The following EXOC4 variants were observed in gnomAD, a reference collection of about 807,000 sequenced individuals.
The protein encoded by EXOC4 is exocyst complex component 4.
Under a neutral mutation model 107.2 loss-of-function variants are expected in EXOC4, and 71 were observed. The observed-to-expected ratio is 0.66, with a 90% CI of 0.55 to 0.81. The LOEUF (loss-of-function observed/expected upper bound fraction) is 0.81. Ranked by LOEUF, EXOC4 falls within the 30% of genes least tolerant of loss-of-function variation. The pLI is 0.00. For synonymous variants in EXOC4, 456 were observed against 441.2 expected (o/e 1.03, Z -0.42); for missense variants, 1,108 against 1,189.6 (o/e 0.93, Z 1.01).
Position 133,917,649 on chromosome 7 carries a change from C to T in EXOC4, c.1938C>T (p.Ser646=), listed in dbSNP as rs373196825. 1 of 1,613,942 alleles carries T rather than the reference C, an allele frequency of 6.2e-7. No individual in the cohort carries two copies. The highest frequency in any genetic ancestry group is 1.3e-5 in the African/African-American group (1 of 74,914). The change falls in exon 13 of 18, where the codon AGC becomes AGT. Residue 646 remains serine, a synonymous_variant. Coordinates refer to ENST00000253861, the MANE Select transcript of EXOC4 (RefSeq NM_021807.4). The stretch of plus-strand genomic sequence containing the variant: ...CCTGGGCAAAAGATGATGATATCAG[C>T]AGACTCTTGAAATCTCTACCAAACT... ...SASWAKDDDI[S]RLLKSLPNWM...
Position 133,938,084 on chromosome 7 carries a change from G to A in EXOC4, c.2206+15G>A, listed in dbSNP as rs749904825. ...TACATCCCAGAGTAAGTATCTAGTA[G>A]GAAGCTGTTGTGGGGACAGTTGAGG... is the stretch of plus-strand genomic sequence containing the variant. On this transcript the variant is annotated intron_variant, in intron 14 of 17. Coordinates refer to ENST00000253861, the MANE Select transcript of EXOC4 (RefSeq NM_021807.4). 1.9e-6 allele frequency: 3 copies of A among 1,613,714 alleles called. No individual in the cohort carries two copies. The Admixed American group carries it at 5.0e-5, about 27-fold the overall frequency.
At chr7:133,823,845 A>T (rs1368854061) in intron 11 of EXOC4, among the ~76,000 whole-genome samples, 211 of 1,556 alleles carry the variant, frequency 0.14, 4 homozygotes, top group Admixed American at 0.33. Context: ...TATATATATT[A>T]TATATATATA....
intron 10 of EXOC4, among the ~76,000 whole-genome samples, chr7:133,739,262 G>GTGTA (rs58288318): frequency 6.7e-6 from 1 of 148,580 alleles, no homozygotes; most frequent in Non-Finnish European, 1.5e-5. Flanking sequence ...GTGTGTGTGT[G>GTGTA]TATAAAAAGA....
rs1292312761 is a variant in EXOC4 at position 133,727,132 on chromosome 7, T to G, written c.1515-90193T>G. Among the ~76,000 whole-genome samples the G allele has an allele frequency of 2.0e-5, 3 of 152,234 alleles. No homozygotes were observed. In the East Asian group the frequency reaches 5.8e-4, roughly 29 times the overall value. ...TATTTTTAATAGATTGTCAATCTGT[T>G]TTTGTTATTGATCTAAGCACTATAC... On this transcript the variant is annotated intron_variant, in intron 10 of 17. Transcript: ENST00000253861.
At chr7:133,994,337 A>G (rs552369997) in intron 14 of EXOC4, among the ~76,000 whole-genome samples, 46 of 152,184 alleles carry the variant, frequency 3.0e-4, no homozygotes, top group African/African-American at 8.9e-4. Context: ...GCATATATGC[A>G]CCATGCCTAT....
intron 7 of EXOC4, among the ~76,000 whole-genome samples, chr7:133,383,035 A>G (rs1273805179): frequency 6.6e-6 from 1 of 152,132 alleles, no homozygotes; most frequent in Non-Finnish European, 1.5e-5. Flanking sequence ...TCTTTTTGAA[A>G]CTGTGATAAT....
At chr7:133,676,137 A>G (rs1794052596) in intron 10 of EXOC4, among the ~76,000 whole-genome samples, 1 of 152,010 alleles carries the variant, frequency 6.6e-6, no homozygotes, top group African/African-American at 2.4e-5. Flanking sequence ...CATTCAAAAA[A>G]TATTTATTGA....
intron 2 of EXOC4, among the ~76,000 whole-genome samples, chr7:133,278,539 C>G (rs895985771): frequency 6.6e-6 from 1 of 151,964 alleles, no homozygotes; most frequent in Non-Finnish European, 1.5e-5. Context: ...AAGAGCATTC[C>G]AGGAAGAAAG....
At chr7:133,487,577 T>TA (rs1174683724) in intron 9 of EXOC4, among the ~76,000 whole-genome samples, 5 of 151,954 alleles carry the variant, frequency 3.3e-5, no homozygotes, top group African/African-American at 4.8e-5. Context: ...GGTGTGGTGG[T>TA]ATGTACCTGT....
chr7:133,589,392 T>C (rs1167890032), intron 9 of EXOC4, among the ~76,000 whole-genome samples: 1 of 152,226 alleles, frequency 6.6e-6, no homozygotes, highest in African/African-American at 2.4e-5. Flanking sequence ...CTGTCCATTT[T>C]TGCTTTTACT....
intron 7 of EXOC4, among the ~76,000 whole-genome samples, chr7:133,432,566 A>T (rs1797879926): frequency 6.6e-6 from 1 of 152,140 alleles, no homozygotes; most frequent in Non-Finnish European, 1.5e-5. Flanking sequence ...TCTTGTTTCC[A>T]GTAGGATTTA....
At chr7:133,577,784 A>G (rs1468904106) in intron 9 of EXOC4, among the ~76,000 whole-genome samples, 3 of 152,216 alleles carry the variant, frequency 2.0e-5, no homozygotes, top group Admixed American at 1.3e-4. Context: ...AAAATGCTCA[A>G]TACATATTTA....
At chr7:133,500,750 G>A (rs1584961555) in intron 9 of EXOC4, among the ~76,000 whole-genome samples, 1 of 152,184 alleles carries the variant, frequency 6.6e-6, no homozygotes, top group Non-Finnish European at 1.5e-5. Context: ...CAGCAACAAT[G>A]TGTGTCAGCA....
At chr7:134,088,524 T>C in the EXOC4 span, among the ~76,000 whole-genome samples, 1 of 152,218 alleles carries the variant, frequency 6.6e-6, no homozygotes, top group Admixed American at 6.5e-5. Context: ...AAGATCACTT[T>C]AGACTTCTAC....
At chr7:133,317,119 T>A (rs1176835597) in intron 4 of EXOC4, among the ~76,000 whole-genome samples, 165 bp from the exon 5 acceptor site, 1 of 152,128 alleles carries the variant, frequency 6.6e-6, no homozygotes. Context: ...CACCTCTTTA[T>A]TGGAAATATA....
chr7:133,938,412 A>C (rs999981857), intron 14 of EXOC4, among the ~76,000 whole-genome samples: 2 of 152,168 alleles, frequency 1.3e-5, no homozygotes, highest in African/African-American at 4.8e-5. Context: ...ACAACTTCTC[A>C]AGGGCAGAAA....
rs1199141854 is a variant in EXOC4, at chr7:133,920,531, A to G, written c.2027+2793A>G. Among the ~76,000 whole-genome samples, 6 of 152,302 alleles carry G rather than the reference A, an allele frequency of 3.9e-5. No homozygotes were observed. The South Asian group carries it at 8.3e-4, about 21-fold the overall frequency. ...TATAACTAATCCAAGTCTGCTTTCA[A>G]TGACACTGTACCACTACACAGGCAG... On this transcript the variant is annotated intron_variant, in intron 13 of 17. Transcript: ENST00000253861.
At chr7:133,745,710 CTTTTTT>C (rs766551871) in intron 10 of EXOC4, among the ~76,000 whole-genome samples, 1 of 126,516 alleles carries the variant, frequency 7.9e-6, no homozygotes, top group African/African-American at 3.0e-5. Flanking sequence ...TCCTGTTACT[CTTTTTT>C]TTTTTTTTTT....
chr7:133,567,245 A>G (rs1468975479), intron 9 of EXOC4, among the ~76,000 whole-genome samples: 2 of 152,146 alleles, frequency 1.3e-5, no homozygotes, highest in South Asian at 2.1e-4. Context: ...TTTGGCATAT[A>G]TAAGCAAATA....
Sources: allele counts gnomAD v4.1 joint callset (sites outside exome capture counted in the v4.1 genomes callset), GRCh38; gene constraint gnomAD v4.1.1; transcripts MANE v1.5; gene names NCBI Gene and HGNC (gene_info 2026-07-23, HGNC 2026-07-21).